Variants in TENM2 observed in about 807,000 individuals in gnomAD.
TENM2 encodes the protein teneurin transmembrane protein 2.
TENM2 carries 52 observed loss-of-function variants against 245.2 expected under a neutral mutation model. The ratio of observed to expected loss-of-function variants is 0.21; its 90% CI spans 0.17 to 0.27. The LOEUF (loss-of-function observed/expected upper bound fraction) is 0.27. Among genes scored for constraint, TENM2 ranks in the 10% least tolerant of loss-of-function variants. The pLI is 1.00. For synonymous variants in TENM2, 1,363 were observed against 1,438.9 expected (o/e 0.95, Z 1.19); for missense variants, 3,046 against 3,666.8 (o/e 0.83, Z 4.37).
chr5:168,061,757 A>T (rs1343088423), intron 6 of TENM2, among the ~76,000 whole-genome samples: 6 of 152,166 alleles, frequency 3.9e-5, no homozygotes, highest in Non-Finnish European at 2.9e-5. Flanking sequence ...CACATTTGGG[A>T]TAGTTGGAAG....
chr5:168,217,694 CTTTTTGTGAATT>C (rs1763320805), intron 22 of TENM2, among the ~76,000 whole-genome samples: 2 of 152,186 alleles, frequency 1.3e-5, no homozygotes, highest in Non-Finnish European at 2.9e-5. Context: ...CACATGGCTC[CTTTTTGTGAATT>C]AGATACAGGT....
chr5:167,932,599 A>G (rs546343453), intron 3 of TENM2, among the ~76,000 whole-genome samples: 2 of 152,082 alleles, frequency 1.3e-5, no homozygotes, highest in South Asian at 4.2e-4. Flanking sequence ...AGACTGAAGG[A>G]GACCCTGTTG....
At chr5:167,425,167 T>A (rs1011778394) in intron 2 of TENM2, among the ~76,000 whole-genome samples, 2 of 152,198 alleles carry the variant, frequency 1.3e-5, no homozygotes, top group East Asian at 3.9e-4. Context: ...ATCTATGAGT[T>A]ATTTCTAAAT....
chr5:167,243,232 T>G, the TENM2 span, among the ~76,000 whole-genome samples: 3 of 152,026 alleles, frequency 2.0e-5, no homozygotes, highest in Non-Finnish European at 4.4e-5. Flanking sequence ...GTAGTTAAAT[T>G]TCTGGGAAAT....
At chr5:167,865,773 GA>G (rs1180745572) in intron 2 of TENM2, among the ~76,000 whole-genome samples, 1 of 152,034 alleles carries the variant, frequency 6.6e-6, no homozygotes, top group South Asian at 2.1e-4. Context: ...CTTGGTTAAG[GA>G]AAAAAACATA....
intron 20 of TENM2, chr5:168,214,748 CAAA>C: frequency 2.0e-6 from 1 of 506,618 alleles, no homozygotes; most frequent in South Asian, 1.5e-5. Context: ...ATCCTGCTTA[CAAA>C]AACAGGATCG....
At chr5:168,082,907 C>A (rs1177837896) in intron 7 of TENM2, among the ~76,000 whole-genome samples, 4 of 152,312 alleles carry the variant, frequency 2.6e-5, no homozygotes, top group East Asian at 1.9e-4. Flanking sequence ...GTCAGGGACC[C>A]ACTTGAGGAG....
chr5:167,294,343 G>T (rs1401288363), intron 1 of TENM2: 1 of 152,170 alleles, frequency 6.6e-6, no homozygotes, highest in Non-Finnish European at 1.5e-5. Flanking sequence ...AGAGGCTTGA[G>T]CTGGATAAAG....
At chr5:167,506,942 G>T (rs997583512) in intron 2 of TENM2, among the ~76,000 whole-genome samples, 9 of 152,092 alleles carry the variant, frequency 5.9e-5, no homozygotes, top group Non-Finnish European at 1.0e-4. Context: ...GTTTGTGAAA[G>T]TTCCATCTTC....
At chr5:167,631,517 G>A (rs1778871834) in intron 2 of TENM2, among the ~76,000 whole-genome samples, 1 of 152,096 alleles carries the variant, frequency 6.6e-6, no homozygotes, top group Admixed American at 6.6e-5. Flanking sequence ...GTGCAGGCAG[G>A]GGCCAGCTTA....
At chr5:167,012,683 G>C in the TENM2 span, among the ~76,000 whole-genome samples, 1 of 152,282 alleles carries the variant, frequency 6.6e-6, no homozygotes, top group East Asian at 1.9e-4. Flanking sequence ...CAACCAAAGG[G>C]AGATGTAGGG....
chr5:168,226,567 A>G (rs1393737551), intron 24 of TENM2, among the ~76,000 whole-genome samples: 1 of 151,934 alleles, frequency 6.6e-6, no homozygotes, highest in African/African-American at 2.4e-5. Context: ...CCTACCTCTT[A>G]CCCTTCCATC....
intron 5 of TENM2, among the ~76,000 whole-genome samples, chr5:168,011,905 G>A (rs769786642): frequency 3.3e-5 from 5 of 152,104 alleles, no homozygotes; most frequent in African/African-American, 7.2e-5. Context: ...CCTAAATGTC[G>A]CAGTGACTCA....
chr5:167,780,401 T>C (rs1764110483), intron 2 of TENM2, among the ~76,000 whole-genome samples: 2 of 152,236 alleles, frequency 1.3e-5, no homozygotes, highest in Admixed American at 1.3e-4. Flanking sequence ...GGCAACACTC[T>C]GCCTTATTGT....
chr5:167,332,850 T>C (rs1290085853), intron 1 of TENM2, among the ~76,000 whole-genome samples: 1 of 152,190 alleles, frequency 6.6e-6, no homozygotes, highest in East Asian at 1.9e-4. Context: ...AATAATATTC[T>C]ATAGAGACAC....
intron 7 of TENM2, among the ~76,000 whole-genome samples, chr5:168,072,307 G>T (rs1278257361): frequency 2.6e-5 from 4 of 152,128 alleles, no homozygotes; most frequent in Non-Finnish European, 5.9e-5. Context: ...CAATTTCGCT[G>T]ACCTTGACCC....
intron 1 of TENM2, among the ~76,000 whole-genome samples, chr5:167,322,030 C>T (rs1318569173): frequency 4.0e-5 from 6 of 151,770 alleles, no homozygotes; most frequent in Admixed American, 1.3e-4. Context: ...CAGGGTTTCA[C>T]CTTGTTGGCC....
intron 2 of TENM2, among the ~76,000 whole-genome samples, chr5:167,574,313 G>A (rs957619914): frequency 6.6e-6 from 1 of 152,182 alleles, no homozygotes; most frequent in Non-Finnish European, 1.5e-5. Flanking sequence ...TTTGCATTAC[G>A]TTAAATTCTA....
chr5:167,716,756 C>G (rs10064202), intron 2 of TENM2, among the ~76,000 whole-genome samples: 1,666 of 152,096 alleles, frequency 0.011, 29 homozygotes, highest in African/African-American at 0.038. Flanking sequence ...CTGACACAAG[C>G]ATTACTATGC....
Sources: gnomAD v4.1 joint callset for allele counts (sites outside exome capture counted in the v4.1 genomes callset) on GRCh38, gnomAD v4.1.1 for gene constraint, MANE v1.5 for transcripts, NCBI Gene and HGNC (gene_info 2026-07-23, HGNC 2026-07-21) for gene names.